Variants in MYO1E observed in about 807,000 individuals in gnomAD.
MYO1E encodes the protein unconventional myosin-Ie.
In MYO1E, 68 loss-of-function variants were observed where a neutral mutation model predicts 151.1. That is an observed-to-expected ratio of 0.45 (90% CI 0.37 to 0.55). The LOEUF is 0.55. MYO1E is among the 20% of genes least tolerant of loss of function. The probability of loss-of-function intolerance (pLI) is 0.00; values close to 1 mark genes in which losing one functional copy is unlikely to be tolerated. For synonymous variants in MYO1E, 601 were observed against 501.7 expected (o/e 1.20, Z -2.64); for missense variants, 1,363 against 1,389.3 (o/e 0.98, Z 0.30).
intron 17 of MYO1E, among the ~76,000 whole-genome samples, chr15:59,190,872 A>G (rs1458565721): frequency 1.3e-5 from 2 of 152,198 alleles, no homozygotes; most frequent in Non-Finnish European, 2.9e-5. Flanking sequence ...TCTCAGGAGC[A>G]CTGTGATGTG....
At chr15:59,295,939 T>C (rs968443813) in intron 1 of MYO1E, among the ~76,000 whole-genome samples, 1 of 151,884 alleles carries the variant, frequency 6.6e-6, no homozygotes, top group Non-Finnish European at 1.5e-5. Context: ...GTGTGCTCAA[T>C]CTCGCCTACT....
intron 2 of MYO1E, among the ~76,000 whole-genome samples, chr15:59,266,406 A>G (rs1234019175): frequency 6.6e-6 from 1 of 152,250 alleles, no homozygotes; most frequent in East Asian, 1.9e-4. Context: ...GGGAGACAGA[A>G]GAAACCCAAG....
chr15:59,201,136 C>T (rs1164034351), intron 16 of MYO1E, among the ~76,000 whole-genome samples: 7 of 145,580 alleles, frequency 4.8e-5, no homozygotes, highest in African/African-American at 1.5e-4. Flanking sequence ...GAGACAGGGT[C>T]TCGTTCTGTC....
rs764182334 is a variant in MYO1E at position 59,210,531 on chromosome 15, G to C, written c.1345C>G (p.Leu449Val). The change falls in exon 13 of 28, where the codon CTC becomes GTC. Residue 449 changes from leucine (L) to valine (V), a missense_variant. Transcript: ENST00000288235. ...EYFNNKIVCD[L>V]IENKVNPPGI... Reference sequence around the variant, plus strand: ...ACACTTACCACTTTGTTCTCTATGAGGTCACATACGATTTTATTATTAAAG... The same window carrying C: ...ACACTTACCACTTTGTTCTCTATGACGTCACATACGATTTTATTATTAAAG... 1 of 1,596,458 alleles carries C rather than the reference G, an allele frequency of 6.3e-7. No homozygotes were observed. The highest frequency in any genetic ancestry group is 1.1e-5 in the South Asian group (1 of 90,682).
intron 2 of MYO1E, 55 bp from the exon 3 acceptor site, chr15:59,261,564 A>G (rs2080224619): frequency 2.6e-6 from 3 of 1,145,958 alleles, no homozygotes; most frequent in Non-Finnish European, 4.0e-6. Flanking sequence ...CACATTTTTC[A>G]AATTAAGTAA....
At chr15:59,314,683 G>C (rs1256029409) in intron 1 of MYO1E, among the ~76,000 whole-genome samples, 1 of 152,126 alleles carries the variant, frequency 6.6e-6, no homozygotes, top group African/African-American at 2.4e-5. Context: ...ATTCATTCTT[G>C]GTGGTCAGAC....
At chr15:59,142,841 C>G (rs942797719) in intron 26 of MYO1E, among the ~76,000 whole-genome samples, 4 of 141,804 alleles carry the variant, frequency 2.8e-5, no homozygotes, top group African/African-American at 1.1e-4. Context: ...CCCATAAGAT[C>G]AGGAACAAAA....
intron 4 of MYO1E, among the ~76,000 whole-genome samples, chr15:59,253,803 T>C (rs2140369115): frequency 6.6e-6 from 1 of 152,130 alleles, no homozygotes; most frequent in South Asian, 2.1e-4. Flanking sequence ...AACTATTAAT[T>C]TACAGAAAAT....
intron 26 of MYO1E, among the ~76,000 whole-genome samples, chr15:59,147,596 C>CAAAAAAAAAAAAAAAAAAAAAAAAAA (rs748173480): frequency 1.5e-5 from 1 of 66,096 alleles, no homozygotes; most frequent in Non-Finnish European, 2.6e-5. Context: ...GACTCTGTCT[C>CAAAAAAAAAAAAAAAAAAAAAAAAAA]AAAAAAAAAA....
rs567555425 is a variant in MYO1E, at chr15:59,244,924, A to G, written c.333-8252T>C. Among the ~76,000 whole-genome samples, 12 of 152,334 alleles carry G rather than the reference A, an allele frequency of 7.9e-5. No homozygotes were observed. The South Asian group carries it at 2.5e-3, about 32-fold the overall frequency. On this transcript the variant is annotated intron_variant, in intron 4 of 27. Transcript: ENST00000288235. ...GCACTCCTTGGCTGATGATAAAGGA[A>G]TTTTAGCAACCAGACTAGAATGTAA...
intron 4 of MYO1E, among the ~76,000 whole-genome samples, chr15:59,244,793 G>A (rs892859725): frequency 2.6e-5 from 4 of 152,142 alleles, no homozygotes; most frequent in South Asian, 2.1e-4. Flanking sequence ...CTAGGCTGAC[G>A]TAAAGATGAA....
chr15:59,252,576 G>A (rs2080171337), intron 4 of MYO1E, among the ~76,000 whole-genome samples: 1 of 152,192 alleles, frequency 6.6e-6, no homozygotes, highest in African/African-American at 2.4e-5. Flanking sequence ...TTAGCCAGAT[G>A]TGGTGGCGTG....
chr15:59,197,034 C>T (rs1261114507), intron 16 of MYO1E, among the ~76,000 whole-genome samples: 2 of 110,176 alleles, frequency 1.8e-5, no homozygotes, highest in East Asian at 3.2e-4. Flanking sequence ...ACTCTGAGGC[C>T]CAGGCTGGAG....
intron 13 of MYO1E, among the ~76,000 whole-genome samples, chr15:59,210,221 A>G (rs773384153): frequency 6.6e-6 from 1 of 152,064 alleles, no homozygotes; most frequent in Non-Finnish European, 1.5e-5. Context: ...CACAGGGCCA[A>G]TTTTATGGCT....
At chr15:59,256,781 A>C (rs961713054) in intron 3 of MYO1E, among the ~76,000 whole-genome samples, 22 of 152,044 alleles carry the variant, frequency 1.4e-4, no homozygotes, top group African/African-American at 4.8e-4. Flanking sequence ...CCTGCCAAAC[A>C]CCTAGATCTG....
At chr15:59,252,759 T>C (rs1232737770) in intron 4 of MYO1E, among the ~76,000 whole-genome samples, 1 of 139,682 alleles carries the variant, frequency 7.2e-6, no homozygotes, top group Non-Finnish European at 1.5e-5. Flanking sequence ...TGGTGGTGCA[T>C]GCCTTAACCC....
Position 59,205,447 on chromosome 15 carries a change from C to T in MYO1E, c.1569G>A (p.Arg523=). The T allele has an allele frequency of 6.2e-7, 1 of 1,614,170 alleles. No homozygotes were observed. The highest frequency in any genetic ancestry group is 8.5e-7 in the Non-Finnish European group (1 of 1,180,042). The change falls in exon 15 of 28, where the codon CGG becomes CGA. Residue 523 remains arginine, a synonymous_variant. Transcript: ENST00000288235. ...YDMDGFCERN[R]DVLFMDLIEL... ...CGATGAGATCCATAAAAAGCACATC[C>T]CGGTTCCTTTCACAAAAGCCATCCA... is the stretch of plus-strand genomic sequence containing the variant.
At chr15:59,147,693 T>C (rs1359385475) in intron 26 of MYO1E, among the ~76,000 whole-genome samples, 1 of 151,792 alleles carries the variant, frequency 6.6e-6, no homozygotes, top group Non-Finnish European at 1.5e-5. Flanking sequence ...ATCTTCAAAT[T>C]GTCCAAATGA....
At chr15:59,168,795 A>G (rs1012657906) in intron 22 of MYO1E, among the ~76,000 whole-genome samples, 1 of 151,828 alleles carries the variant, frequency 6.6e-6, no homozygotes, top group Non-Finnish European at 1.5e-5. Context: ...TAATTTTCAC[A>G]TTTTTTGTAG....
Sources: gnomAD v4.1 joint callset for allele counts (sites outside exome capture counted in the v4.1 genomes callset) on GRCh38, gnomAD v4.1.1 for gene constraint, MANE v1.5 for transcripts, NCBI Gene and HGNC (gene_info 2026-07-23, HGNC 2026-07-21) for gene names.